Variants in SEC24B observed in about 807,000 individuals in gnomAD.
SEC24B encodes protein transport protein Sec24B.
A neutral mutation model predicts 142.8 loss-of-function variants in SEC24B; 45 were observed. The ratio of observed to expected loss-of-function variants is 0.32; its 90% CI spans 0.25 to 0.40. The LOEUF is 0.40. Ranked by LOEUF, SEC24B falls within the 10% of genes least tolerant of loss-of-function variation. SEC24B has a pLI of 1.00. For missense variants in SEC24B, 1,409 were observed against 1,526.8 expected (o/e 0.92, Z 1.29); for synonymous variants, 574 against 568.2 (o/e 1.01, Z -0.15).
chr4:109,524,278 G>A (rs1459686033), intron 14 of SEC24B, among the ~76,000 whole-genome samples: 1 of 152,014 alleles, frequency 6.6e-6, no homozygotes, highest in Non-Finnish European at 1.5e-5. Flanking sequence ...TCATCATACA[G>A]TGTAATTAAG....
intron 1 of SEC24B, among the ~76,000 whole-genome samples, chr4:109,455,981 C>A (rs921158861): frequency 6.6e-6 from 1 of 152,164 alleles, no homozygotes; most frequent in East Asian, 1.9e-4. Context: ...AGATAAGTTA[C>A]ATCATAATAT....
intron 22 of SEC24B, among the ~76,000 whole-genome samples, chr4:109,537,420 G>A (rs544816719): frequency 6.6e-6 from 1 of 152,304 alleles, no homozygotes; most frequent in African/African-American, 2.4e-5. Context: ...ATTCATAGAA[G>A]TAGGCATATA....
rs939741741 is a variant in SEC24B at position 109,434,010 on chromosome 4, G to A, written c.133+8G>A. 4.9e-5 allele frequency: 56 copies of A among 1,137,074 alleles called. No individual in the cohort carries two copies. Among genetic ancestry groups the A allele is most frequent in the Non-Finnish European group, 5.8e-5 (54 of 928,660 alleles). 70.4% of individuals were successfully genotyped at this position (1,137,074 alleles called of 1,614,324 possible). On this transcript the variant is annotated splice_region_variant and intron_variant, in intron 1 of 23. Transcript: ENST00000265175. Reference sequence around the variant, plus strand: ...CGCCGCACCAGCAGAACGGTGAGGCGGGCGGCCCGGGCGGAGCGCGGGGCC... The same window carrying A: ...CGCCGCACCAGCAGAACGGTGAGGCAGGCGGCCCGGGCGGAGCGCGGGGCC...
chr4:109,440,624 T>C (rs1185574794), intron 1 of SEC24B, among the ~76,000 whole-genome samples: 8 of 152,216 alleles, frequency 5.3e-5, no homozygotes, highest in African/African-American at 1.7e-4. Context: ...CAGAGTTGTT[T>C]ATAGAACTAC....
chr4:109,475,236 C>G (rs1437593357), intron 3 of SEC24B, among the ~76,000 whole-genome samples: 1 of 152,094 alleles, frequency 6.6e-6, no homozygotes, highest in Non-Finnish European at 1.5e-5. Context: ...AGGAGAATGG[C>G]CTCTTAGTGA....
intron 23 of SEC24B, 32 bp from the exon 24 acceptor site, chr4:109,539,528 AC>A (rs1351281337): frequency 7.5e-7 from 1 of 1,336,356 alleles, no homozygotes; most frequent in East Asian, 2.3e-5. Flanking sequence ...GCTTTTAAAT[AC>A]GTTTAGACAA....
chr4:109,468,925 A>G (rs767391997), intron 2 of SEC24B, among the ~76,000 whole-genome samples: 1 of 152,100 alleles, frequency 6.6e-6, no homozygotes, highest in Non-Finnish European at 1.5e-5. Context: ...TTCAGAGGCC[A>G]TCTACATACC....
intron 6 of SEC24B, among the ~76,000 whole-genome samples, chr4:109,500,845 G>A (rs1736056383): frequency 6.6e-6 from 1 of 152,094 alleles, no homozygotes; most frequent in South Asian, 2.1e-4. Context: ...TTTTAGTAGA[G>A]ATGGGGTTTC....
chr4:109,468,219 G>A (rs1732160511), intron 2 of SEC24B, among the ~76,000 whole-genome samples: 1 of 152,222 alleles, frequency 6.6e-6, no homozygotes, highest in Non-Finnish European at 1.5e-5. Flanking sequence ...TGTGATTGTA[G>A]AGTTATGGGA....
At position 109,455,760 on chromosome 4, in the gene SEC24B, C is replaced by G. The variant is rs1202719874; in HGVS notation, c.134-7141C>G. On this transcript the variant is annotated intron_variant, in intron 1 of 23. Coordinates refer to ENST00000265175, the MANE Select transcript of SEC24B (RefSeq NM_006323.5). Reference sequence around the variant, plus strand: ...GCATTCTGTGTATCTGTCCTTTCACCAATACCACACTTCTTAAATTGTTGT... The same window carrying G: ...GCATTCTGTGTATCTGTCCTTTCACGAATACCACACTTCTTAAATTGTTGT... Among the ~76,000 whole-genome samples, 7 of 152,170 alleles carry G rather than the reference C, an allele frequency of 4.6e-5. No homozygotes were observed. In the East Asian group the frequency reaches 9.6e-4, roughly 21 times the overall value.
rs1224670196 is a variant in SEC24B, at chr4:109,433,948, G to C, written c.79G>C (p.Gly27Arg). The change falls in exon 1 of 24, where the codon GGA (glycine) becomes CGA (arginine). Residue 27 changes from glycine (G) to arginine (R), a missense_variant. Gly to Arg is a moderately radical substitution (Grantham distance 125). Coordinates refer to ENST00000265175, the MANE Select transcript of SEC24B (RefSeq NM_006323.5). ...CAAGTTCGGCGGAGCGGCCGTCTCA[G>C]GAGCCGCAGCGCCCGCGGGCCCGGG... ...PPKFGGAAVS[G>R]AAAPAGPGAG... is the part of the protein sequence containing the mutation. 4.0e-6 allele frequency: 5 copies of C among 1,252,410 alleles called. No homozygotes were observed. Among genetic ancestry groups the C allele is most frequent in the Non-Finnish European group, 5.0e-6 (5 of 1,000,798 alleles). 77.6% of individuals were successfully genotyped at this position (1,252,410 alleles called of 1,614,324 possible).
chr4:109,479,762 G>A (rs1350841219), intron 3 of SEC24B, among the ~76,000 whole-genome samples: 1 of 152,096 alleles, frequency 6.6e-6, no homozygotes, highest in African/African-American at 2.4e-5. Context: ...TGGGCTTTTT[G>A]TCAGAAGAAT....
rs765643029 is a variant in SEC24B at position 109,520,348 on chromosome 4, T to A, written c.2127-18T>A. 7.6e-6 allele frequency: 11 copies of A among 1,439,192 alleles called. No homozygotes were observed. Among genetic ancestry groups the A allele is most frequent in the Non-Finnish European group, 1.1e-5 (11 of 1,029,870 alleles). The allele number at this position is 1,439,192 out of a possible 1,614,324, so 89.2% of individuals were successfully genotyped here. On this transcript the variant is annotated intron_variant, in intron 11 of 23. Transcript: ENST00000265175. ...TTACTGAGCACTCTGAATTTAAAAT[T>A]GTCATTTTTATCTTTAGGCTTCCTG... is the stretch of plus-strand genomic sequence containing the variant.
chr4:109,493,770 T>C (rs1735248528), intron 5 of SEC24B, among the ~76,000 whole-genome samples: 1 of 152,078 alleles, frequency 6.6e-6, no homozygotes, highest in Non-Finnish European at 1.5e-5. Flanking sequence ...CTAATTTTTG[T>C]ATTTTTAGTA....
chr4:109,493,917 T>A (rs945697543), intron 5 of SEC24B, among the ~76,000 whole-genome samples: 29 of 152,212 alleles, frequency 1.9e-4, no homozygotes, highest in African/African-American at 6.8e-4. Context: ...CTTTCATACT[T>A]GACTAACAGT....
intron 2 of SEC24B, among the ~76,000 whole-genome samples, chr4:109,463,888 T>C (rs560336324): frequency 2.6e-5 from 4 of 152,340 alleles, no homozygotes; most frequent in East Asian, 1.9e-4. Context: ...TTTATTGATA[T>C]ATTTTATACA....
intron 8 of SEC24B, among the ~76,000 whole-genome samples, chr4:109,511,260 A>G (rs1737292814): frequency 6.6e-6 from 1 of 151,942 alleles, no homozygotes; most frequent in Admixed American, 6.6e-5. Context: ...TTATTTTCTC[A>G]TTCTCAGTTA....
intron 22 of SEC24B, among the ~76,000 whole-genome samples, chr4:109,535,512 C>T (rs184536319): frequency 2.7e-4 from 41 of 151,512 alleles, no homozygotes; most frequent in Admixed American, 1.8e-3. Context: ...GCCAAGATTG[C>T]GCCACTGCAC....
chr4:109,482,237 C>T (rs969955441), intron 4 of SEC24B, among the ~76,000 whole-genome samples: 1 of 152,172 alleles, frequency 6.6e-6, no homozygotes, highest in Non-Finnish European at 1.5e-5. Flanking sequence ...GTCCTTTTGG[C>T]TTTTCTTGTC....
Sources: allele counts gnomAD v4.1 joint callset (sites outside exome capture counted in the v4.1 genomes callset), GRCh38; gene constraint gnomAD v4.1.1; transcripts MANE v1.5; gene names NCBI Gene and HGNC (gene_info 2026-07-23, HGNC 2026-07-21).